The following PCBP3 variants were observed in gnomAD, a reference collection of about 807,000 sequenced individuals.
PCBP3 encodes poly(rC) binding protein 3.
A neutral mutation model predicts 52.7 loss-of-function variants in PCBP3; 25 were observed. The observed-to-expected ratio is 0.47, with a 90% CI of 0.35 to 0.66. The LOEUF is 0.66. Ranked by LOEUF, PCBP3 falls within the 30% of genes least tolerant of loss-of-function variation. The pLI is 0.01. For missense variants in PCBP3, 391 were observed against 490.3 expected (o/e 0.80, Z 1.91); for synonymous variants, 162 against 183.0 (o/e 0.89, Z 0.93).
intron 2 of PCBP3, among the ~76,000 whole-genome samples, chr21:45,669,831 A>G (rs940688324): frequency 3.0e-5 from 4 of 133,564 alleles, no homozygotes; most frequent in African/African-American, 5.4e-5. Flanking sequence ...ATATATATAT[A>G]TATATATATA....
intron 1 of PCBP3, among the ~76,000 whole-genome samples, chr21:45,655,865 T>G (rs1479055957): frequency 6.6e-6 from 1 of 152,068 alleles, no homozygotes; most frequent in East Asian, 1.9e-4. Flanking sequence ...AAGAAGACAT[T>G]TATGCAGCCA....
intron 2 of PCBP3, among the ~76,000 whole-genome samples, chr21:45,679,608 C>A (rs911593383): frequency 3.5e-4 from 54 of 152,138 alleles, no homozygotes; most frequent in African/African-American, 1.2e-3. Flanking sequence ...CACAGTATTT[C>A]TGAGATATAC....
chr21:45,861,544 C>G (rs2094510757), intron 5 of PCBP3, among the ~76,000 whole-genome samples: 1 of 152,184 alleles, frequency 6.6e-6, no homozygotes, highest in Admixed American at 6.5e-5. Flanking sequence ...CCGAGAGCTG[C>G]TCAAGATTAA....
chr21:45,720,587 T>C (rs1478461339), intron 2 of PCBP3, among the ~76,000 whole-genome samples: 2 of 152,242 alleles, frequency 1.3e-5, no homozygotes, highest in Admixed American at 1.3e-4. Context: ...TTAAATGCCT[T>C]AGCAGTAAAA....
intron 17 of PCBP3, among the ~76,000 whole-genome samples, chr21:45,940,629 C>T (rs998251476): frequency 2.6e-5 from 4 of 152,100 alleles, no homozygotes; most frequent in South Asian, 2.1e-4. Flanking sequence ...CTCTGCAGGC[C>T]GCTTCCTTCC....
chr21:45,755,798 T>C (rs1284573657), intron 4 of PCBP3, among the ~76,000 whole-genome samples: 1 of 152,326 alleles, frequency 6.6e-6, no homozygotes, highest in East Asian at 1.9e-4. Context: ...TTATTGTTGA[T>C]TTGTGAGGGT....
At chr21:45,773,143 T>C (rs1426859986) in intron 4 of PCBP3, among the ~76,000 whole-genome samples, 2 of 152,194 alleles carry the variant, frequency 1.3e-5, no homozygotes, top group African/African-American at 4.8e-5. Context: ...TAGTCATAAA[T>C]TCTTTGCCTA....
chr21:45,919,968 G>A (rs966126583), intron 13 of PCBP3, among the ~76,000 whole-genome samples: 2 of 152,194 alleles, frequency 1.3e-5, no homozygotes, highest in Non-Finnish European at 2.9e-5. Context: ...CGACTTTCTG[G>A]GGTGGCCCAG....
In PCBP3 at chr21:45,880,790, C is replaced by A. The variant is rs1380938004; in HGVS notation, c.11-15418C>A. Among the ~76,000 whole-genome samples the A allele has an allele frequency of 6.6e-6, 1 of 152,134 alleles. No individual in the cohort carries two copies. Among genetic ancestry groups the A allele is most frequent in the Non-Finnish European group, 1.5e-5 (1 of 68,018 alleles). The stretch of plus-strand genomic sequence containing the variant: ...CTGATAAGTGGGTGGGAGAACTCAC[C>A]CTGTCCCTGCCACGGAAGCCAGGGA... On this transcript the variant is annotated intron_variant, in intron 5 of 17. Transcript: ENST00000681687. The surrounding 1 kb of genome is among the most constrained non-coding windows in gnomAD (Gnocchi z 5.4).
At chr21:45,665,488 G>A (rs185123858) in intron 1 of PCBP3, among the ~76,000 whole-genome samples, 27 of 152,148 alleles carry the variant, frequency 1.8e-4, no homozygotes, top group African/African-American at 6.3e-4. Context: ...TCAAATCCAG[G>A]AATCATTTAT....
chr21:45,746,032 A>T (rs28438591), intron 3 of PCBP3, among the ~76,000 whole-genome samples: 2 of 107,952 alleles, frequency 1.9e-5, no homozygotes, highest in African/African-American at 3.7e-5. Context: ...TTGACGTAGC[A>T]CACACGGTGT....
intron 4 of PCBP3, among the ~76,000 whole-genome samples, chr21:45,823,993 T>C (rs1293149480): frequency 6.6e-6 from 1 of 152,160 alleles, no homozygotes; most frequent in Non-Finnish European, 1.5e-5. Context: ...TCACCCGCCT[T>C]GGCCTCCCAA....
At chr21:45,682,854 G>C (rs1220510358) in intron 2 of PCBP3, among the ~76,000 whole-genome samples, 1 of 152,154 alleles carries the variant, frequency 6.6e-6, no homozygotes, top group African/African-American at 2.4e-5. Context: ...CTGAAGTTTA[G>C]AGGATGGAGT....
At chr21:45,934,630 C>T (rs1282607598) in intron 15 of PCBP3, among the ~76,000 whole-genome samples, 1 of 152,220 alleles carries the variant, frequency 6.6e-6, no homozygotes, top group Non-Finnish European at 1.5e-5. Flanking sequence ...GCCTGGTGGG[C>T]CTGAGCTGTC....
In PCBP3 at chr21:45,935,193, C is replaced by T. The variant is rs965358626; in HGVS notation, c.857-60C>T. On this transcript the variant is annotated intron_variant, in intron 15 of 17. Coordinates refer to ENST00000681687, the MANE Select transcript of PCBP3 (RefSeq NM_001384156.1). ...GACCCAGGAGAGTGAGGGACAGGCA[C>T]TGGAGTGTGACTGTTAGCAGCCTTC... is the stretch of plus-strand genomic sequence containing the variant. The T allele has an allele frequency of 3.4e-6, 4 of 1,192,440 alleles. No individual in the cohort carries two copies. In the African/African-American group the frequency reaches 4.5e-5, roughly 13 times the overall value. 73.9% of individuals were successfully genotyped at this position (1,192,440 alleles called of 1,614,324 possible).
At chr21:45,824,456 G>T (rs2093251724) in intron 4 of PCBP3, among the ~76,000 whole-genome samples, 2 of 152,308 alleles carry the variant, frequency 1.3e-5, no homozygotes, top group South Asian at 4.1e-4. Context: ...TGGAAGGAGG[G>T]GGCAGACTGA....
At chr21:45,659,335 TC>T (rs1398044114) in intron 1 of PCBP3, among the ~76,000 whole-genome samples, 1 of 138,960 alleles carries the variant, frequency 7.2e-6, no homozygotes, top group Non-Finnish European at 1.6e-5. Context: ...TCTTTTACTT[TC>T]CTTTTTTTTT....
At chr21:45,807,742 AAAAAAC>A (rs1246954767) in intron 4 of PCBP3, among the ~76,000 whole-genome samples, 1 of 151,240 alleles carries the variant, frequency 6.6e-6, no homozygotes, top group Non-Finnish European at 1.5e-5. Flanking sequence ...TTCTAAGCAA[AAAAAAC>A]AAAAACAAAA....
chr21:45,850,675 A>C (rs886075957), intron 5 of PCBP3, among the ~76,000 whole-genome samples: 67 of 152,246 alleles, frequency 4.4e-4, no homozygotes, highest in African/African-American at 1.6e-3. Flanking sequence ...GAGTATTAAT[A>C]TCTTAAGCAA....
Sources: gnomAD v4.1 joint callset for allele counts (sites outside exome capture counted in the v4.1 genomes callset) on GRCh38, gnomAD v4.1.1 for gene constraint, Gnocchi (gnomAD v3.1) non-coding constraint, MANE v1.5 for transcripts, NCBI Gene and HGNC (gene_info 2026-07-23, HGNC 2026-07-21) for gene names.